B4GALT1: variants seen among roughly 807,000 people sequenced by gnomAD.
The protein encoded by B4GALT1 is N-acetyllactosamine synthase.
In B4GALT1, 16 loss-of-function variants were observed where a neutral mutation model predicts 34.9. The ratio of observed to expected loss-of-function variants is 0.46; its 90% confidence interval spans 0.31 to 0.70. The LOEUF (loss-of-function observed/expected upper bound fraction) is 0.70. Among genes scored for constraint, B4GALT1 ranks in the 30% least tolerant of loss-of-function variants. The pLI is 0.05. For synonymous variants in B4GALT1, 221 were observed against 218.1 expected (o/e 1.01, Z -0.12); for missense variants, 445 against 530.5 (o/e 0.84, Z 1.58).
intron 2 of B4GALT1, among the ~76,000 whole-genome samples, chr9:33,133,764 A>G (rs2118147084): frequency 6.6e-6 from 1 of 152,234 alleles, no homozygotes; most frequent in Non-Finnish European, 1.5e-5. Context: ...TCCTTGTAAC[A>G]GGGCTTGTTC....
rs1466133672 is a variant in B4GALT1 at position 33,166,828 on chromosome 9, C to G, written c.342G>C (p.Leu114Phe). 6.4e-7 allele frequency: 1 copy of G among 1,552,856 alleles called. No individual in the cohort carries two copies. Among genetic ancestry groups the G allele is most frequent in the African/African-American group, 1.4e-5 (1 of 73,288 alleles). The change falls in exon 1 of 6, where the codon TTG becomes TTC. Residue 114 changes from leucine (L) to phenylalanine (F), a missense_variant. By Grantham distance (22) the Leu-to-Phe change is conservative. Around this residue, in one of 3 missense-constraint regions of B4GALT1, gnomAD observed 349 missense variants for 395.5 expected, o/e 0.88. Transcript: ENST00000379731. ...TGGTGTGGGGCACTGGGACCGAGGTCAAGTTGCTAGCGGGGCCAGGGCCAG... is the reference window on the plus strand; with the variant it reads ...TGGTGTGGGGCACTGGGACCGAGGTGAAGTTGCTAGCGGGGCCAGGGCCAG... ...VDSGPGPASN[L>F]TSVPVPHTTA...
intron 1 of B4GALT1, among the ~76,000 whole-genome samples, chr9:33,145,729 T>C (rs1701758602): frequency 1.3e-5 from 2 of 152,320 alleles, no homozygotes; most frequent in Middle Eastern, 3.4e-3. Context: ...GGTTCTGATA[T>C]TCCTGGATGC....
rs555145682 is a variant in B4GALT1 at position 33,136,736 on chromosome 9, A to C, written c.413-1312T>G. Among the ~76,000 whole-genome samples, 27 of 152,322 alleles carry C rather than the reference A, an allele frequency of 1.8e-4. No homozygotes were observed. In the South Asian group the frequency reaches 5.6e-3, roughly 32 times the overall value. ...TGTAACCAGCTTCACCTGTGAAGCAAATGAGCCACAAGAACAAAGGAAGGA... is the reference window on the plus strand; with the variant it reads ...TGTAACCAGCTTCACCTGTGAAGCACATGAGCCACAAGAACAAAGGAAGGA... On this transcript the variant is annotated intron_variant, in intron 1 of 5. Coordinates refer to ENST00000379731, the MANE Select transcript of B4GALT1 (RefSeq NM_001497.4).
chr9:33,163,762 A>G (rs1295912146), intron 1 of B4GALT1, among the ~76,000 whole-genome samples: 1 of 152,244 alleles, frequency 6.6e-6, no homozygotes, highest in Non-Finnish European at 1.5e-5. Flanking sequence ...TTATAAGTGG[A>G]TGCCGCATGG....
At chr9:33,174,236 C>G in the B4GALT1 span, 1 of 153,086 alleles carries the variant, frequency 6.5e-6, no homozygotes, top group African/African-American at 2.4e-5. Context: ...CTGCTAACGT[C>G]TACACAACAC....
upstream of B4GALT1, among the ~76,000 whole-genome samples, chr9:33,167,541 C>T (rs1227983784): frequency 6.6e-6 from 1 of 152,198 alleles, no homozygotes; most frequent in African/African-American, 2.4e-5. Context: ...ACTGCAGCTC[C>T]GACGCTTGGC....
At chr9:33,109,585 G>A (rs1839831372), downstream of B4GALT1, among the ~76,000 whole-genome samples, 1 of 152,170 alleles carries the variant, frequency 6.6e-6, no homozygotes, top group Admixed American at 6.5e-5. Flanking sequence ...GGAGGATTGT[G>A]TGAGCCCAGG....
intron 3 of B4GALT1, among the ~76,000 whole-genome samples, chr9:33,120,109 G>A (rs1163039638): frequency 2.6e-5 from 4 of 151,610 alleles, no homozygotes; most frequent in Admixed American, 6.6e-5. Context: ...GCATGAACCC[G>A]GGAGGCAGAG....
At chr9:33,138,249 G>A (rs2209948) in intron 1 of B4GALT1, among the ~76,000 whole-genome samples, 54,971 of 152,050 alleles carry the variant, frequency 0.36, 10,495 homozygotes, top group East Asian at 0.6. Flanking sequence ...CCTGGGCCCC[G>A]GTCCAGCTCC....
the B4GALT1 span, among the ~76,000 whole-genome samples, chr9:33,184,397 C>T: frequency 3.3e-5 from 5 of 152,042 alleles, no homozygotes; most frequent in African/African-American, 7.2e-5. Context: ...AATTAATTTA[C>T]CCTCTTCAAC....
intron 2 of B4GALT1, among the ~76,000 whole-genome samples, chr9:33,128,729 G>A (rs1361114655): frequency 2.0e-5 from 3 of 152,184 alleles, no homozygotes; most frequent in East Asian, 1.9e-4. Context: ...ATGGAAGGCC[G>A]GGATGGGGGG....
At chr9:33,135,092 T>C in intron 2 of B4GALT1, 97 bp downstream of exon 2, 1 of 1,285,752 alleles carries the variant, frequency 7.8e-7, no homozygotes. Context: ...CAGGTGTCTG[T>C]GAAATCACTC....
At chr9:33,179,313 C>T in the B4GALT1 span, 1 of 152,244 alleles carries the variant, frequency 6.6e-6, no homozygotes, top group Non-Finnish European at 1.5e-5. Context: ...AATCTGGTCT[C>T]TTTTCCTCCA....
chr9:33,129,325 G>T (rs539746498), intron 2 of B4GALT1, among the ~76,000 whole-genome samples: 6 of 152,236 alleles, frequency 3.9e-5, no homozygotes, highest in Non-Finnish European at 8.8e-5. Context: ...TGATAAGGGA[G>T]GTCACCCCAA....
Position 33,113,803 on chromosome 9 carries a change from T to C in B4GALT1, c.1035A>G (p.Arg345=), listed in dbSNP as rs550380372. 25 of 1,614,144 alleles carry C rather than the reference T, an allele frequency of 1.5e-5. No homozygotes were observed. In the South Asian group the frequency reaches 2.6e-4, roughly 17 times the overall value. Residue 345 remains arginine, a synonymous_variant, in exon 5 of 6, where the codon AGA becomes AGG. Coordinates refer to ENST00000379731, the MANE Select transcript of B4GALT1 (RefSeq NM_001497.4). ...GAGGATTGGGTTCATTTTTCTTGTC[T>C]CTTGAGTGGCGGATCATGCGACACC... ...VGRCRMIRHS[R]DKKNEPNPQR...
At chr9:33,147,999 A>G (rs1564049834) in intron 1 of B4GALT1, among the ~76,000 whole-genome samples, 2 of 152,074 alleles carry the variant, frequency 1.3e-5, no homozygotes, top group African/African-American at 2.4e-5. Flanking sequence ...ATACCACTGC[A>G]CTCCAGTCTG....
intron 1 of B4GALT1, among the ~76,000 whole-genome samples, chr9:33,151,622 G>A (rs1840518923): frequency 6.6e-6 from 1 of 152,220 alleles, no homozygotes; most frequent in South Asian, 2.1e-4. Flanking sequence ...CATACTTATC[G>A]CATGTTCTTA....
rs547090317 is a variant in B4GALT1 at position 33,166,860 on chromosome 9, C to T, written c.310G>A (p.Val104Met). 2 of 1,573,192 alleles carry T rather than the reference C, an allele frequency of 1.3e-6. No homozygotes were observed. Among genetic ancestry groups the T allele is most frequent in the Admixed American group, 1.8e-5 (1 of 55,830 alleles). The change falls in exon 1 of 6, where the codon GTG becomes ATG. Residue 104 changes from valine to methionine, a missense_variant. Physicochemically the swap from Val to Met is conservative, Grantham distance 21 (BLOSUM62 1). Transcript: ENST00000379731. ...CTAGCGGGGCCAGGGCCAGAATCCA[C>T]GACTGGGCTGGAGTCGCCACCCGGG... is the stretch of plus-strand genomic sequence containing the variant. ...PRPGGDSSPVVDSGPGPASNL... is the reference protein window; with the variant it reads ...PRPGGDSSPVMDSGPGPASNL...
chr9:33,174,711 C>A, the B4GALT1 span, among the ~76,000 whole-genome samples: 9 of 150,992 alleles, frequency 6.0e-5, no homozygotes, highest in Admixed American at 4.0e-4. Context: ...AATCCCAACA[C>A]TTTGGGAGGC....
Sources: gnomAD v4.1 joint callset for allele counts (sites outside exome capture counted in the v4.1 genomes callset) on GRCh38, gnomAD v4.1.1 for gene constraint, gnomAD v4.1.1 regional missense constraint, MANE v1.5 for transcripts, NCBI Gene and HGNC (gene_info 2026-07-23, HGNC 2026-07-21) for gene names.